The following TMPRSS11B variants were observed in gnomAD, a reference collection of about 807,000 sequenced individuals.
The protein encoded by TMPRSS11B is transmembrane protease serine 11B.
Under a neutral mutation model 44.7 loss-of-function variants are expected in TMPRSS11B, and 53 were observed. The observed-to-expected ratio is 1.19, with a 90% CI of 0.95 to 1.49. The LOEUF is 1.49. Among genes scored for constraint, TMPRSS11B ranks in the 40% most tolerant of loss-of-function variants. TMPRSS11B has a pLI of 0.00. For synonymous variants in TMPRSS11B, 140 were observed against 159.2 expected, an observed-to-expected ratio of 0.88 and a Z score of 0.91; for missense variants, 526 against 494.8, an observed-to-expected ratio of 1.06 and a Z score of -0.60.
chr4:68,235,582 T>C (rs568526247), intron 4 of TMPRSS11B, among the ~76,000 whole-genome samples: 22 of 152,322 alleles, frequency 1.4e-4, no homozygotes, highest in Admixed American at 1.2e-3. Context: ...GTAAGGATGA[T>C]AATTATTAAG....
At chr4:68,238,843 C>G (rs1406911964) in intron 2 of TMPRSS11B, among the ~76,000 whole-genome samples, 2 of 152,156 alleles carry the variant, frequency 1.3e-5, no homozygotes, top group Non-Finnish European at 2.9e-5. Flanking sequence ...TGAAGCTTGT[C>G]ACCAAATGAC....
chr4:68,232,249 T>C (rs1300912337), intron 6 of TMPRSS11B, 129 bp downstream of exon 6: 4 of 709,180 alleles, frequency 5.6e-6, no homozygotes, highest in Non-Finnish European at 6.9e-6. Flanking sequence ...CAATATCTGG[T>C]ATATCTAGTA....
rs1284180935 is a variant in TMPRSS11B at position 68,231,354 on chromosome 4, T to C, written c.535A>G (p.Ile179Val). ...NCCGRQVANS[I>V]ITGNKIVNGK... ...TTCACAATTTTGTTGCCAGTTATGA[T>C]ACTGTTGGCTACTTGTCTCCCACAA... Residue 179 changes from isoleucine to valine, a missense_variant, in exon 7 of 10, where the codon ATC becomes GTC. By Grantham distance (29) the Ile-to-Val change is conservative (BLOSUM62 3). Coordinates refer to ENST00000332644, the MANE Select transcript of TMPRSS11B (RefSeq NM_182502.3). 6.8e-6 allele frequency: 11 copies of C among 1,613,422 alleles called. No homozygotes were observed. Among genetic ancestry groups the C allele is most frequent in the Non-Finnish European group, 9.3e-6 (11 of 1,179,718 alleles).
chr4:68,245,199 A>C (rs1466818618), intron 1 of TMPRSS11B, among the ~76,000 whole-genome samples: 2 of 152,210 alleles, frequency 1.3e-5, no homozygotes, highest in Non-Finnish European at 2.9e-5. Context: ...TTTTAATATT[A>C]GAAAATTTGA....
chr4:68,242,225 T>TTATA lies in TMPRSS11B; in HGVS notation c.9-425_9-422dup, dbSNP rs1266769276. ...ATAATATAATATATATAATATTATA[T>TTATA]TATATTATATATATTATATTATATA... is the stretch of plus-strand genomic sequence containing the variant. On this transcript the variant is annotated intron_variant, in intron 1 of 9. Transcript: ENST00000332644. Among the ~76,000 whole-genome samples, 23 of 82,380 alleles carry TTATA rather than the reference T, an allele frequency of 2.8e-4. 1 individual carries two copies. Among genetic ancestry groups the TTATA allele is most frequent in the East Asian group, 5.5e-4 (2 of 3,632 alleles). The allele number at this position is 82,380 out of a possible 152,430, so 54.0% of individuals were successfully genotyped here. A position where few individuals can be genotyped will look rare whatever the true frequency, so the allele number is the denominator to read the frequency against.
At chr4:68,231,679 G>A (rs1226324803) in intron 6 of TMPRSS11B, among the ~76,000 whole-genome samples, 2 of 152,124 alleles carry the variant, frequency 1.3e-5, no homozygotes, top group East Asian at 3.8e-4. Flanking sequence ...TGCCTCATTG[G>A]TGTCTACATC....
chr4:68,238,214 A>C (rs1719727243), intron 2 of TMPRSS11B, among the ~76,000 whole-genome samples: 1 of 152,140 alleles, frequency 6.6e-6, no homozygotes, highest in African/African-American at 2.4e-5. Flanking sequence ...TAATTTTAAA[A>C]TAAAATAAAA....
chr4:68,229,164 TTAATTGCATGAGGGGA>T, intron 8 of TMPRSS11B, 77 bp downstream of exon 8: 1 of 1,295,002 alleles, frequency 7.7e-7, no homozygotes, highest in Non-Finnish European at 1.1e-6. Flanking sequence ...TACTGATTGA[TTAATTGCATGAGGGGA>T]TGATTGATTG....
chr4:68,236,284 A>AG lies in TMPRSS11B; in HGVS notation c.125-19_125-18insC. 6.7e-7 allele frequency: 1 copy of AG among 1,497,148 alleles called. No individual in the cohort carries two copies. The highest frequency in any genetic ancestry group is 9.2e-7 in the Non-Finnish European group (1 of 1,092,360). 92.7% of individuals were successfully genotyped at this position (1,497,148 alleles called of 1,614,324 possible). A position where few individuals can be genotyped will look rare whatever the true frequency, so the allele number is the denominator to read the frequency against. On this transcript the variant is annotated intron_variant, in intron 2 of 9. Transcript: ENST00000332644. ...AGTCTTCTCTGCAAAATTAAGAAAA[A>AG]AAAACCTCAAAGAATTTTAAAGTGG...
At position 68,231,231 on chromosome 4, in the gene TMPRSS11B, G is replaced by A; in HGVS notation, c.658C>T (p.Leu220=). 6.2e-7 allele frequency: 1 copy of A among 1,611,378 alleles called. No homozygotes were observed. Among genetic ancestry groups the A allele is most frequent in the Non-Finnish European group, 8.5e-7 (1 of 1,179,262 alleles). The change falls in exon 7 of 10, where the codon CTA becomes TTA. Residue 220 remains leucine (L), a synonymous_variant. Coordinates refer to ENST00000332644, the MANE Select transcript of TMPRSS11B (RefSeq NM_182502.3). Reference sequence around the variant, plus strand: ...GCAAAGCAGTGAGCTGCAGATAATAGCCACCTGCTGCTGATCAGAGAGGCT... The same window carrying A: ...GCAAAGCAGTGAGCTGCAGATAATAACCACCTGCTGCTGATCAGAGAGGCT... ...CGASLISSRW[L]LSAAHCFAKK... is the part of the protein sequence containing the mutation.
chr4:68,230,897 A>T (rs551692577), intron 7 of TMPRSS11B, among the ~76,000 whole-genome samples: 1 of 152,092 alleles, frequency 6.6e-6, no homozygotes, highest in Non-Finnish European at 1.5e-5. Context: ...GGTTTTAACT[A>T]TACCTTCCAT....
Position 68,236,190 on chromosome 4 carries a change from T to G in TMPRSS11B, c.201A>C (p.Ser67=). Residue 67 remains serine, a synonymous_variant, in exon 3 of 10, where the codon TCA becomes TCC. Transcript: ENST00000332644. ...CTTTGCTTAGATTTGTGCTGGCTTG[T>G]GAAGCTGCGTTTTCACAATTATCAT... ...TYNDNCENAA[S]QASTNLSKDI... The G allele has an allele frequency of 6.2e-7, 1 of 1,612,704 alleles. No individual in the cohort carries two copies. Among genetic ancestry groups the G allele is most frequent in the Non-Finnish European group, 8.5e-7 (1 of 1,179,386 alleles).
rs571809823 is a variant in TMPRSS11B at position 68,245,611 on chromosome 4, C to T, written c.-53G>A. On this transcript the variant is annotated 5_prime_UTR_variant, in exon 1 of 10. Transcript: ENST00000332644. ...GGTATAACGGTGGTAATGATGATGA[C>T]GAAGATAACGATAACGATGACAATG... 2.3e-5 allele frequency: 37 copies of T among 1,594,142 alleles called. 1 individual carries two copies. The highest frequency in any genetic ancestry group is 5.5e-5 in the South Asian group (5 of 90,212).
At chr4:68,240,204 C>T (rs547791499) in intron 2 of TMPRSS11B, among the ~76,000 whole-genome samples, 1 of 152,172 alleles carries the variant, frequency 6.6e-6, no homozygotes, top group East Asian at 1.9e-4. Flanking sequence ...ATTACAGTAG[C>T]TGTTATCCAG....
rs140554202 is a variant in TMPRSS11B at position 68,238,112 on chromosome 4, G to A, written c.125-1846C>T. Among the ~76,000 whole-genome samples the A allele has an allele frequency of 2.5e-3, 378 of 152,234 alleles. 2 individuals are homozygous for A. In the East Asian group the frequency reaches 0.025, roughly 10 times the overall value. Reference sequence around the variant, plus strand: ...GTATTTTGAGAGCAATTGTGCTTTTGATCCACCTTTAACATACACCATGTA... The same window carrying A: ...GTATTTTGAGAGCAATTGTGCTTTTAATCCACCTTTAACATACACCATGTA... On this transcript the variant is annotated intron_variant, in intron 2 of 9. Coordinates refer to ENST00000332644, the MANE Select transcript of TMPRSS11B (RefSeq NM_182502.3).
chr4:68,232,142 T>G, intron 6 of TMPRSS11B: 1 of 295,050 alleles, frequency 3.4e-6, no homozygotes, highest in Non-Finnish European at 6.3e-6. Context: ...CACTCACAGT[T>G]TTATTATTTG....
At position 68,229,456 on chromosome 4, in the gene TMPRSS11B, C is replaced by A. The variant is rs752053646; in HGVS notation, c.747G>T (p.Met249Ile). 2.5e-5 allele frequency: 40 copies of A among 1,613,458 alleles called. No homozygotes were observed. The highest frequency in any genetic ancestry group is 3.3e-5 in the Non-Finnish European group (39 of 1,179,652). Residue 249 changes from methionine to isoleucine, a missense_variant, in exon 8 of 10, where the codon ATG becomes ATT. Transcript: ENST00000332644. ...NFGIVVNKPY[M>I]TRKVQNIIFH... Reference sequence around the variant, plus strand: ...AAATAATGTTTTGGACTTTCCGTGTCATATATGGTTTATTTACTACAATTC... The same window carrying A: ...AAATAATGTTTTGGACTTTCCGTGTAATATATGGTTTATTTACTACAATTC...
At position 68,234,514 on chromosome 4, in the gene TMPRSS11B, TC is replaced by T. The variant is rs769614491; in HGVS notation, c.417del (p.Asn141ThrfsTer35). 1 of 1,613,912 alleles carries T rather than the reference TC, an allele frequency of 6.2e-7. No homozygotes were observed. Among genetic ancestry groups the T allele is most frequent in the African/African-American group, 1.3e-5 (1 of 74,944 alleles). On this transcript the variant is annotated frameshift_variant, in exon 5 of 10. Transcript: ENST00000332644. LOFTEE classifies it high-confidence loss of function. ...TKIKAKLHQM[L>X]KNNMASWNAV... ...GCATTCCAGGATGCCATGTTGTTTT[TC>T]AACATCTGATGTAATTTAGCCTTGA... is the stretch of plus-strand genomic sequence containing the variant.
chr4:68,242,283 AT>A (rs1270993710), intron 1 of TMPRSS11B, among the ~76,000 whole-genome samples: 1,006 of 79,836 alleles, frequency 0.013, 13 homozygotes, highest in South Asian at 0.023. Flanking sequence ...TATTATATAT[AT>A]TATATTATAC....
Sources: gnomAD v4.1 joint callset for allele counts (sites outside exome capture counted in the v4.1 genomes callset) on GRCh38, gnomAD v4.1.1 for gene constraint, MANE v1.5 for transcripts, NCBI Gene and HGNC (gene_info 2026-07-23, HGNC 2026-07-21) for gene names.